GALNT13: variants seen among roughly 807,000 people sequenced by gnomAD.
GALNT13 encodes the protein UDP-GalNAc:polypeptide N-acetylgalactosaminyltransferase 13.
GALNT13 carries 28 observed loss-of-function variants against 64.2 expected under a neutral mutation model. The ratio of observed to expected loss-of-function variants is 0.44; its 90% CI spans 0.32 to 0.60. The LOEUF (loss-of-function observed/expected upper bound fraction) is 0.60, where lower values mean the gene tolerates loss of function less well. Among genes scored for constraint, GALNT13 ranks in the 20% least tolerant of loss-of-function variants. The pLI, the probability that GALNT13 is intolerant of heterozygous loss-of-function variation, is 0.05. For missense variants in GALNT13, 577 were observed against 669.8 expected (o/e 0.86, Z 1.53); for synonymous variants, 214 against 224.6 (o/e 0.95, Z 0.42).
At chr2:153,126,385 C>G in the GALNT13 span, among the ~76,000 whole-genome samples, 4 of 142,208 alleles carry the variant, frequency 2.8e-5, no homozygotes, top group Admixed American at 2.8e-4. Context: ...AAATAATTTT[C>G]TTGTATTTAA....
At chr2:153,376,764 CTATG>C in the GALNT13 span, among the ~76,000 whole-genome samples, 60 of 152,090 alleles carry the variant, frequency 3.9e-4, no homozygotes, top group Admixed American at 4.6e-4. Flanking sequence ...CTTAATATAT[CTATG>C]TATTAGGTCA....
At chr2:154,445,786 G>T (rs1323782822) in intron 12 of GALNT13, 1 of 1,286,470 alleles carries the variant, frequency 7.8e-7, no homozygotes, top group Non-Finnish European at 1.0e-6. Flanking sequence ...CTTTCACTAA[G>T]TGTTTGAATC....
the GALNT13 span, among the ~76,000 whole-genome samples, chr2:153,321,490 CA>C: frequency 2.6e-5 from 4 of 152,138 alleles, no homozygotes; most frequent in South Asian, 2.1e-4. Context: ...CTTCCAATGG[CA>C]AAAAAATCAT....
At chr2:153,508,219 T>A in the GALNT13 span, among the ~76,000 whole-genome samples, 1 of 152,100 alleles carries the variant, frequency 6.6e-6, no homozygotes, top group Non-Finnish European at 1.5e-5. Context: ...TGCCCTAGGG[T>A]CGCCTGGTTA....
the GALNT13 span, among the ~76,000 whole-genome samples, chr2:153,532,260 A>G: frequency 6.6e-6 from 1 of 152,002 alleles, no homozygotes; most frequent in Admixed American, 6.6e-5. Context: ...CTGCATACCC[A>G]CAGGCTTAAC....
At chr2:153,386,730 T>C in the GALNT13 span, among the ~76,000 whole-genome samples, 8 of 152,100 alleles carry the variant, frequency 5.3e-5, no homozygotes, top group African/African-American at 1.9e-4. Context: ...CATGCCTACA[T>C]AGTACAATTT....
the GALNT13 span, among the ~76,000 whole-genome samples, chr2:153,080,358 G>C: frequency 6.6e-6 from 1 of 151,998 alleles, no homozygotes; most frequent in Non-Finnish European, 1.5e-5. Context: ...CCTGTCATAG[G>C]TTCAGATGTT....
intron 11 of GALNT13, among the ~76,000 whole-genome samples, chr2:154,417,257 C>T (rs1363873762): frequency 1.4e-5 from 2 of 147,728 alleles, no homozygotes; most frequent in African/African-American, 5.0e-5. Context: ...AATTATCGCT[C>T]CCAGTTGGAA....
chr2:153,555,298 C>G, the GALNT13 span, among the ~76,000 whole-genome samples: 4 of 115,680 alleles, frequency 3.5e-5, no homozygotes, highest in Non-Finnish European at 5.5e-5. Context: ...GGGTTCACGC[C>G]ATTCTCCTGC....
chr2:153,231,163 G>C, the GALNT13 span, among the ~76,000 whole-genome samples: 2 of 152,116 alleles, frequency 1.3e-5, no homozygotes, highest in African/African-American at 2.4e-5. Flanking sequence ...AATGTAGGCC[G>C]ATGACATACA....
chr2:153,464,384 C>T, the GALNT13 span, among the ~76,000 whole-genome samples: 1 of 152,002 alleles, frequency 6.6e-6, no homozygotes, highest in Non-Finnish European at 1.5e-5. Context: ...AGTTTAAGAC[C>T]ACATCGTCTG....
chr2:153,577,209 T>C, the GALNT13 span, among the ~76,000 whole-genome samples: 3 of 152,192 alleles, frequency 2.0e-5, no homozygotes, highest in Admixed American at 6.6e-5. Context: ...GTTTAAGGTA[T>C]AAATTATTAC....
intron 11 of GALNT13, chr2:154,436,769 ATTTATTTGTGAAT>A: frequency 6.6e-6 from 1 of 152,332 alleles, no homozygotes. Flanking sequence ...AACCTAGAAA[ATTTATTTGTGAAT>A]TGAATATATG....
intron 10 of GALNT13, among the ~76,000 whole-genome samples, chr2:154,407,599 A>C (rs879705): frequency 7.5e-6 from 1 of 133,714 alleles, no homozygotes; most frequent in Non-Finnish European, 1.6e-5. Context: ...CTATATGAAC[A>C]GGTACCGGGT....
chr2:154,258,046 A>G (rs914305237), intron 7 of GALNT13, among the ~76,000 whole-genome samples: 11 of 152,144 alleles, frequency 7.2e-5, no homozygotes, highest in African/African-American at 2.4e-4. Flanking sequence ...GGTGGCTCAG[A>G]TACTGCTTTT....
intron 3 of GALNT13, among the ~76,000 whole-genome samples, chr2:154,075,082 A>G (rs1221267564): frequency 1.3e-5 from 2 of 151,824 alleles, no homozygotes; most frequent in Non-Finnish European, 2.9e-5. Context: ...CTAAAGTGTA[A>G]ACAAATAGGA....
At chr2:153,673,189 C>T in the GALNT13 span, among the ~76,000 whole-genome samples, 6 of 152,146 alleles carry the variant, frequency 3.9e-5, no homozygotes, top group East Asian at 1.2e-3. Flanking sequence ...AAAGAGGGAA[C>T]CCTCTCTAAC....
intron 1 of GALNT13, among the ~76,000 whole-genome samples, chr2:153,879,357 CGTGTGT>C (rs4034904): frequency 2.0e-4 from 29 of 148,530 alleles, no homozygotes; most frequent in East Asian, 1.0e-3. Flanking sequence ...AAACTACCTA[CGTGTGT>C]GTGTGTGTGT....
the GALNT13 span, among the ~76,000 whole-genome samples, chr2:153,664,496 A>G: frequency 6.6e-6 from 1 of 152,166 alleles, no homozygotes; most frequent in Non-Finnish European, 1.5e-5. Flanking sequence ...CAATTTGTGC[A>G]GTTAACGCAA....
Sources: allele counts gnomAD v4.1 joint callset (sites outside exome capture counted in the v4.1 genomes callset), GRCh38; gene constraint gnomAD v4.1.1; transcripts MANE v1.5; gene names NCBI Gene and HGNC (gene_info 2026-07-23, HGNC 2026-07-21).